Variants in SPCS2 observed in about 807,000 individuals in gnomAD.
The protein encoded by SPCS2 is signal peptidase complex subunit 2.
Under a neutral mutation model 22.3 loss-of-function variants are expected in SPCS2, and 3 were observed. The ratio of observed to expected loss-of-function variants is 0.13; its 90% CI spans 0.06 to 0.35. The LOEUF (loss-of-function observed/expected upper bound fraction) is 0.35, where lower values mean the gene tolerates loss of function less well. Ranked by LOEUF, SPCS2 falls within the 10% of genes least tolerant of loss-of-function variation. The pLI is 1.00. For missense variants in SPCS2, 169 were observed against 280.9 expected, an observed-to-expected ratio of 0.60 and a Z score of 2.85; for synonymous variants, 67 against 97.2, an observed-to-expected ratio of 0.69 and a Z score of 1.83.
At chr11:74,976,422 G>A (rs1228374475) in intron 4 of SPCS2, among the ~76,000 whole-genome samples, 1 of 152,240 alleles carries the variant, frequency 6.6e-6, no homozygotes, top group Non-Finnish European at 1.5e-5. Context: ...GTGGAAGACA[G>A]AGGAAACACA....
At position 74,977,986 on chromosome 11, in the gene SPCS2, GTTA is replaced by G. The variant is rs1948625363; in HGVS notation, c.*948_*950del. 1 of 152,160 alleles carries G rather than the reference GTTA, an allele frequency of 6.6e-6. No homozygotes were observed. The highest frequency in any genetic ancestry group is 1.5e-5 in the Non-Finnish European group (1 of 68,024). The allele number at this position is 152,160 out of a possible 1,614,324, so 9.4% of individuals were successfully genotyped here. On this transcript the variant is annotated 3_prime_UTR_variant, in exon 5 of 5. Transcript: ENST00000263672. ...ACAGCAATCCTAAGAGGCAGGTGCT[GTTA>G]TTATCCCCATTTTACACATGAGGAA...
chr11:74,970,856 T>C (rs1403358174), intron 4 of SPCS2, among the ~76,000 whole-genome samples: 1 of 152,238 alleles, frequency 6.6e-6, no homozygotes, highest in Non-Finnish European at 1.5e-5. Flanking sequence ...TAAGAACTTT[T>C]ATATAATTCA....
At chr11:74,976,090 G>A (rs1029195342) in intron 4 of SPCS2, among the ~76,000 whole-genome samples, 6 of 152,188 alleles carry the variant, frequency 3.9e-5, no homozygotes, top group African/African-American at 1.2e-4. Context: ...TGATTACAGA[G>A]TGCAAGGACT....
intron 2 of SPCS2, among the ~76,000 whole-genome samples, chr11:74,965,374 A>C (rs511021): frequency 0.4 from 61,358 of 151,684 alleles, 13,228 homozygotes; most frequent in Middle Eastern, 0.5. Context: ...TAATAATAAT[A>C]AAATTAAAAA....
chr11:74,949,946 T>C (rs997250281), intron 1 of SPCS2, among the ~76,000 whole-genome samples: 1 of 152,180 alleles, frequency 6.6e-6, no homozygotes, highest in Non-Finnish European at 1.5e-5. Context: ...AGATTTTTCT[T>C]TTTTTCCTGT....
In SPCS2 at chr11:74,977,135, G is replaced by A; in HGVS notation, c.*92G>A. ...ATAAAAAGAACTTAAAATGGGTAAA[G>A]TAAGAAATGTTAAAAAGTCCCTGTT... On this transcript the variant is annotated 3_prime_UTR_variant, in exon 5 of 5. Coordinates refer to ENST00000263672, the MANE Select transcript of SPCS2 (RefSeq NM_014752.3). 4 of 1,176,634 alleles carry A rather than the reference G, an allele frequency of 3.4e-6. No homozygotes were observed. The highest frequency in any genetic ancestry group is 4.7e-6 in the Non-Finnish European group (4 of 858,806). 72.9% of individuals were successfully genotyped at this position (1,176,634 alleles called of 1,614,324 possible).
At chr11:74,954,195 A>G (rs545101883) in intron 1 of SPCS2, among the ~76,000 whole-genome samples, 2 of 152,340 alleles carry the variant, frequency 1.3e-5, no homozygotes, top group African/African-American at 4.8e-5. Flanking sequence ...TCTGCTTAAT[A>G]GTGGTTTCTT....
chr11:74,974,960 A>G (rs1948606840), intron 4 of SPCS2, among the ~76,000 whole-genome samples: 1 of 152,080 alleles, frequency 6.6e-6, no homozygotes, highest in South Asian at 2.1e-4. Flanking sequence ...CTCTCCACCC[A>G]TAGTCTATTC....
chr11:74,965,255 T>C, intron 2 of SPCS2, 138 bp downstream of exon 2: 1 of 609,914 alleles, frequency 1.6e-6, no homozygotes. Flanking sequence ...TTCTAAAATT[T>C]CTCACAGAAA....
chr11:74,952,647 G>A (rs1948453879), intron 1 of SPCS2, among the ~76,000 whole-genome samples: 1 of 152,084 alleles, frequency 6.6e-6, no homozygotes, highest in Non-Finnish European at 1.5e-5. Context: ...TCTACTAGAA[G>A]TAAATGTTCT....
intron 1 of SPCS2, among the ~76,000 whole-genome samples, chr11:74,950,692 A>C (rs1202756821): frequency 1.3e-5 from 2 of 152,118 alleles, no homozygotes; most frequent in Non-Finnish European, 2.9e-5. Context: ...GTGCACCACT[A>C]TGCCTGACTA....
intron 4 of SPCS2, among the ~76,000 whole-genome samples, chr11:74,975,660 A>T (rs187860649): frequency 2.0e-5 from 3 of 152,376 alleles, no homozygotes; most frequent in Non-Finnish European, 4.4e-5. Context: ...TGTTGAAAAT[A>T]GTTAAAGGAA....
rs1257402279 is a variant in SPCS2, at chr11:74,963,596, G to A, written c.115-1438G>A. 3 of 437,924 alleles carry A rather than the reference G, an allele frequency of 6.9e-6. No individual in the cohort carries two copies. The Admixed American group carries it at 7.5e-5, about 11-fold the overall frequency. 27.1% of individuals were successfully genotyped at this position (437,924 alleles called of 1,614,324 possible). ...ATTTATTTATTTATTTATTTTCAGA[G>A]ACAAGCTCTCACTATATTGCCCAGG... On this transcript the variant is annotated intron_variant, in intron 1 of 4. Coordinates refer to ENST00000263672, the MANE Select transcript of SPCS2 (RefSeq NM_014752.3).
chr11:74,976,188 A>G (rs945243919), intron 4 of SPCS2, among the ~76,000 whole-genome samples: 1 of 152,244 alleles, frequency 6.6e-6, no homozygotes, highest in Non-Finnish European at 1.5e-5. Flanking sequence ...AGCCCAGCTA[A>G]GAGTATGAAG....
chr11:74,958,149 T>G (rs570232794), intron 1 of SPCS2, among the ~76,000 whole-genome samples: 1 of 152,316 alleles, frequency 6.6e-6, no homozygotes, highest in South Asian at 2.1e-4. Context: ...AAATGCAGTT[T>G]GTGGTGGAGT....
intron 4 of SPCS2, among the ~76,000 whole-genome samples, chr11:74,970,975 C>T (rs1948580629): frequency 1.3e-5 from 2 of 152,074 alleles, no homozygotes; most frequent in Non-Finnish European, 2.9e-5. Context: ...GCATTTTCAT[C>T]ACCTCAAAAA....
chr11:74,955,469 C>T (rs887525542), intron 1 of SPCS2, among the ~76,000 whole-genome samples: 1 of 151,994 alleles, frequency 6.6e-6, no homozygotes, highest in Non-Finnish European at 1.5e-5. Flanking sequence ...TCACAAAAGG[C>T]CATATATAGT....
At chr11:74,966,213 AC>A (rs1252674752) in intron 3 of SPCS2, among the ~76,000 whole-genome samples, 2 of 152,200 alleles carry the variant, frequency 1.3e-5, no homozygotes, top group African/African-American at 4.8e-5. Flanking sequence ...GTAATAGTGA[AC>A]CCAGCTCTTC....
intron 4 of SPCS2, among the ~76,000 whole-genome samples, chr11:74,971,031 G>A (rs567567571): frequency 1.1e-3 from 161 of 150,962 alleles, no homozygotes; most frequent in African/African-American, 3.8e-3. Context: ...CCTCCCACTT[G>A]CCTGAGCCCT....
Sources: gnomAD v4.1 joint callset for allele counts (sites outside exome capture counted in the v4.1 genomes callset) on GRCh38, gnomAD v4.1.1 for gene constraint, MANE v1.5 for transcripts, NCBI Gene and HGNC (gene_info 2026-07-23, HGNC 2026-07-21) for gene names.